The following ARPC3 variants were observed in gnomAD, a reference collection of about 807,000 sequenced individuals.
ARPC3 encodes the protein actin-related protein 2/3 complex subunit 3.
A neutral mutation model predicts 27.6 loss-of-function variants in ARPC3; 12 were observed. The ratio of observed to expected loss-of-function variants is 0.43; its 90% CI spans 0.28 to 0.70. ARPC3 has a LOEUF of 0.70. ARPC3 is among the 30% of genes least tolerant of loss of function. ARPC3 has a pLI of 0.17. For missense variants in ARPC3, 153 were observed against 207.7 expected (o/e 0.74, Z 1.62); for synonymous variants, 53 against 67.2 (o/e 0.79, Z 1.03).
Position 110,437,093 on chromosome 12 carries a change from T to C in ARPC3, c.243A>G (p.Lys81=), listed in dbSNP as rs1470153086. 2 of 1,597,878 alleles carry C rather than the reference T, an allele frequency of 1.3e-6. No individual in the cohort carries two copies. The highest frequency in any genetic ancestry group is 2.2e-5 in the East Asian group (1 of 44,794). The stretch of plus-strand genomic sequence containing the variant: ...ATCCAAGTTTAATTACCTTTTGCAG[T>C]TTCTTCAGACATTCAGAAATGTAGA... ...ITLYISECLK[K]LQKCNSKSQG... Residue 81 remains lysine, a synonymous_variant, in exon 4 of 7, where the codon AAA becomes AAG. Transcript: ENST00000228825.
intron 2 of ARPC3, among the ~76,000 whole-genome samples, chr12:110,443,855 TAGA>T (rs1373345014): frequency 2.0e-5 from 3 of 152,324 alleles, no homozygotes; most frequent in Non-Finnish European, 1.5e-5. Context: ...ATTCTGAAAT[TAGA>T]AGAATACTTG....
intron 2 of ARPC3, among the ~76,000 whole-genome samples, chr12:110,443,313 T>C (rs1427148193): frequency 6.6e-6 from 1 of 151,832 alleles, no homozygotes; most frequent in Non-Finnish European, 1.5e-5. Context: ...AGAGATGGGG[T>C]TTCACCGTGT....
chr12:110,446,531 A>G (rs1308932126), intron 1 of ARPC3, among the ~76,000 whole-genome samples: 1 of 151,168 alleles, frequency 6.6e-6, no homozygotes, highest in Non-Finnish European at 1.5e-5. Context: ...TCCCGACCTC[A>G]GGTGATCTGC....
chr12:110,450,102 C>T (rs1335685968), intron 1 of ARPC3, among the ~76,000 whole-genome samples, 153 bp downstream of exon 1: 1 of 152,178 alleles, frequency 6.6e-6, no homozygotes, highest in Non-Finnish European at 1.5e-5. Context: ...CGCCCCAATC[C>T]TTCAGCAACC....
intron 2 of ARPC3, chr12:110,442,723 T>C (rs927589253): frequency 6.6e-6 from 1 of 152,148 alleles, no homozygotes; most frequent in Non-Finnish European, 1.5e-5. Flanking sequence ...TTAGAACATG[T>C]TGAGGTTCAG....
chr12:110,438,123 C>A (rs910321283), intron 3 of ARPC3, among the ~76,000 whole-genome samples: 5 of 151,690 alleles, frequency 3.3e-5, no homozygotes, highest in Admixed American at 3.3e-4. Flanking sequence ...TGGCGAAACA[C>A]CGTCTCTACT....
At chr12:110,450,037 G>A (rs939629723) in intron 1 of ARPC3, among the ~76,000 whole-genome samples, 3 of 152,116 alleles carry the variant, frequency 2.0e-5, no homozygotes, top group African/African-American at 7.2e-5. Context: ...ACACACCCTG[G>A]ACCCTTGGCC....
At chr12:110,445,159 C>T (rs541266349) in intron 2 of ARPC3, 15 of 349,896 alleles carry the variant, frequency 4.3e-5, no homozygotes, top group East Asian at 6.5e-5. Context: ...GCATTCTAGA[C>T]GTAACAGCAT....
chr12:110,438,958 T>C (rs983233541), intron 3 of ARPC3, among the ~76,000 whole-genome samples: 11 of 151,518 alleles, frequency 7.3e-5, no homozygotes, highest in Non-Finnish European at 1.0e-4. Context: ...TAAGACAATA[T>C]AGTATCTGGG....
At chr12:110,436,290 T>C (rs1592949838) in intron 5 of ARPC3, 86 bp from the exon 6 acceptor site, 2 of 1,123,096 alleles carry the variant, frequency 1.8e-6, no homozygotes, top group South Asian at 1.3e-5. Flanking sequence ...ACTGTGGTAA[T>C]ACATTTTTAT....
intron 2 of ARPC3, 79 bp downstream of exon 2, chr12:110,445,373 G>T: frequency 2.6e-6 from 3 of 1,159,322 alleles, no homozygotes; most frequent in Non-Finnish European, 3.9e-6. Flanking sequence ...ACTGAGCTAA[G>T]AATTTTTCTG....
At chr12:110,439,059 C>T (rs1389105765) in intron 3 of ARPC3, among the ~76,000 whole-genome samples, 1 of 149,562 alleles carries the variant, frequency 6.7e-6, no homozygotes, top group African/African-American at 2.5e-5. Flanking sequence ...GATCTCGGCT[C>T]ACTGCAACCA....
At chr12:110,439,233 G>A (rs189107520) in intron 3 of ARPC3, among the ~76,000 whole-genome samples, 113 of 152,074 alleles carry the variant, frequency 7.4e-4, no homozygotes, top group African/African-American at 2.6e-3. Flanking sequence ...TGATCCACCC[G>A]CCTCAGCCTC....
intron 1 of ARPC3, among the ~76,000 whole-genome samples, chr12:110,449,759 C>CCGAA (rs2062489724): frequency 6.6e-6 from 1 of 152,072 alleles, no homozygotes; most frequent in South Asian, 2.1e-4. Context: ...AAGTCAGGCG[C>CCGAA]CGAACGAGTC....
In ARPC3 at chr12:110,443,998, T is replaced by C. The variant is rs1197935128; in HGVS notation, c.106+1454A>G. Reference sequence around the variant, plus strand: ...TTTTTTTTTTTCTTTTGAAACAGAGTTTTGCTCGTTGCCTAGGCTGGAGTG... The same window carrying C: ...TTTTTTTTTTTCTTTTGAAACAGAGCTTTGCTCGTTGCCTAGGCTGGAGTG... On this transcript the variant is annotated intron_variant, in intron 2 of 6. Transcript: ENST00000228825. Among the ~76,000 whole-genome samples, 3 of 150,814 alleles carry C rather than the reference T, an allele frequency of 2.0e-5. No homozygotes were observed. The Admixed American group carries it at 2.0e-4, about 10-fold the overall frequency.
chr12:110,445,929 C>A (rs1258808661), intron 1 of ARPC3, among the ~76,000 whole-genome samples: 2 of 151,978 alleles, frequency 1.3e-5, no homozygotes, highest in African/African-American at 4.8e-5. Flanking sequence ...CACAGTGAAA[C>A]CCCATCTCTA....
chr12:110,448,778 CGGGGGGGG>C, intron 1 of ARPC3, among the ~76,000 whole-genome samples: 1 of 12,576 alleles, frequency 8.0e-5, no homozygotes, highest in Admixed American at 1.3e-3. Flanking sequence ...TCTTTTTTTC[CGGGGGGGG>C]GGGGGGTGGT....
chr12:110,439,877 A>G (rs55885183), intron 3 of ARPC3, among the ~76,000 whole-genome samples: 21,425 of 152,190 alleles, frequency 0.14, 2,243 homozygotes, highest in African/African-American at 0.29. Flanking sequence ...CTGCTTAACT[A>G]ATGTTGAATA....
intron 6 of ARPC3, 27 bp downstream of exon 6, chr12:110,436,083 A>C: frequency 6.4e-7 from 1 of 1,553,842 alleles, no homozygotes. Context: ...TGATTTACCA[A>C]TTAAGCAGGC....
Sources: allele counts gnomAD v4.1 joint callset (sites outside exome capture counted in the v4.1 genomes callset), GRCh38; gene constraint gnomAD v4.1.1; transcripts MANE v1.5; gene names NCBI Gene and HGNC (gene_info 2026-07-23, HGNC 2026-07-21).